P3H2: variants seen among roughly 807,000 people sequenced by gnomAD.
The protein encoded by P3H2 is prolyl 3-hydroxylase 2.
P3H2 carries 80 observed loss-of-function variants against 87.0 expected under a neutral mutation model. The ratio of observed to expected loss-of-function variants is 0.92; its 90% CI spans 0.77 to 1.11. P3H2 has a LOEUF of 1.11. Ranked by LOEUF, P3H2 falls within the 50% of genes least tolerant of loss-of-function variation. The pLI is 0.00. For synonymous variants in P3H2, 367 were observed against 359.3 expected (o/e 1.02, Z -0.24); for missense variants, 1,001 against 923.9 (o/e 1.08, Z -1.08).
intron 1 of P3H2, among the ~76,000 whole-genome samples, chr3:190,063,570 A>G (rs1726402865): frequency 6.6e-6 from 1 of 152,170 alleles, no homozygotes; most frequent in Admixed American, 6.6e-5. Context: ...TTAATGTGTT[A>G]CTAAATACCA....
chr3:190,098,782 T>C (rs1711512628), intron 1 of P3H2, among the ~76,000 whole-genome samples: 1 of 152,212 alleles, frequency 6.6e-6, no homozygotes, highest in Non-Finnish European at 1.5e-5. Flanking sequence ...GATTTAGGTG[T>C]ATTTCGCAGA....
At chr3:190,046,835 G>T (rs1436869835) in intron 1 of P3H2, among the ~76,000 whole-genome samples, 1 of 151,198 alleles carries the variant, frequency 6.6e-6, no homozygotes, top group African/African-American at 2.4e-5. Flanking sequence ...CACTCTAATT[G>T]GTATTGTAGA....
At chr3:190,040,399 C>T (rs1447022271) in intron 1 of P3H2, among the ~76,000 whole-genome samples, 1 of 150,576 alleles carries the variant, frequency 6.6e-6, no homozygotes, top group Non-Finnish European at 1.5e-5. Context: ...TTACTGAATC[C>T]ACCACCTGCA....
In P3H2 at chr3:189,973,012, C is replaced by T; in HGVS notation, c.1561G>A (p.Gly521Ser). 6.2e-7 allele frequency: 1 copy of T among 1,601,792 alleles called. No individual in the cohort carries two copies. The highest frequency in any genetic ancestry group is 1.7e-5 in the Admixed American group (1 of 57,886). ...VLKALKSGYE[G>S]RVPLKSARLF... ...CGAGCGCTCTTCAGTGGGACTCGAC[C>T]TTCATAACCAGACTGAAAAAAAAAA... Residue 521 changes from glycine (G) to serine (S), a missense_variant, in exon 11 of 15, where the codon GGT (glycine) becomes AGT (serine). By Grantham distance (56) the Gly-to-Ser change is moderately conservative. Coordinates refer to ENST00000319332, the MANE Select transcript of P3H2 (RefSeq NM_018192.4).
chr3:190,103,638 A>G (rs1011082680), intron 1 of P3H2, among the ~76,000 whole-genome samples: 1 of 152,202 alleles, frequency 6.6e-6, no homozygotes, highest in African/African-American at 2.4e-5. Context: ...CTGAAAGAGC[A>G]CTGGGACTTT....
chr3:190,033,206 C>G (rs192283501), intron 1 of P3H2, among the ~76,000 whole-genome samples: 1 of 152,208 alleles, frequency 6.6e-6, no homozygotes, highest in African/African-American at 2.4e-5. Flanking sequence ...TAAATACAGT[C>G]GCTTGCTCAC....
intron 1 of P3H2, among the ~76,000 whole-genome samples, chr3:190,092,349 T>G (rs1727434771): frequency 6.6e-6 from 1 of 152,166 alleles, no homozygotes; most frequent in Admixed American, 6.5e-5. Context: ...TATACTAAAA[T>G]AACCCCAATG....
At chr3:190,083,938 T>A (rs1727132632) in intron 1 of P3H2, among the ~76,000 whole-genome samples, 1 of 152,222 alleles carries the variant, frequency 6.6e-6, no homozygotes, top group South Asian at 2.1e-4. Context: ...TTCATTTTAA[T>A]AACATTCTTC....
intron 1 of P3H2, among the ~76,000 whole-genome samples, chr3:190,099,259 A>C (rs946286959): frequency 1.3e-5 from 2 of 152,230 alleles, no homozygotes; most frequent in Admixed American, 6.5e-5. Context: ...ACTTCTGGCA[A>C]AACTTCATTT....
intron 1 of P3H2, among the ~76,000 whole-genome samples, chr3:190,029,131 G>A (rs532987210): frequency 2.6e-5 from 4 of 152,184 alleles, no homozygotes; most frequent in African/African-American, 4.8e-5. Context: ...TTAAGAGTTC[G>A]AGTGGGGGTG....
chr3:190,031,456 G>A (rs187144350), intron 1 of P3H2, among the ~76,000 whole-genome samples: 30 of 151,928 alleles, frequency 2.0e-4, no homozygotes, highest in Middle Eastern at 3.4e-3. Context: ...TGGCCAACAC[G>A]GTAAACCCTG....
At chr3:189,984,861 A>T (rs1046832213) in intron 6 of P3H2, among the ~76,000 whole-genome samples, 15 of 152,158 alleles carry the variant, frequency 9.9e-5, no homozygotes, top group African/African-American at 3.6e-4. Context: ...CTTTTGTCCA[A>T]GAAAGTGACT....
intron 1 of P3H2, among the ~76,000 whole-genome samples, chr3:190,093,766 C>T (rs376661098): frequency 6.6e-6 from 1 of 152,170 alleles, no homozygotes; most frequent in East Asian, 1.9e-4. Context: ...AAATGATTTG[C>T]AGTAGATACA....
intron 1 of P3H2, among the ~76,000 whole-genome samples, chr3:190,007,959 G>GACACACACACACACACACACACACAC (rs371622835): frequency 2.2e-4 from 22 of 100,722 alleles, no homozygotes; most frequent in African/African-American, 8.4e-4. Context: ...TCTATTTGTT[G>GACACACACACACACACACACACACAC]ACACACATAT....
intron 1 of P3H2, among the ~76,000 whole-genome samples, chr3:190,017,700 A>T (rs1374150888): frequency 6.6e-6 from 1 of 151,058 alleles, no homozygotes; most frequent in Non-Finnish European, 1.5e-5. Context: ...AGCCCTTGTT[A>T]GTTAGTCTTG....
At chr3:189,997,084 C>T (rs710561) in intron 1 of P3H2, among the ~76,000 whole-genome samples, 71,150 of 152,010 alleles carry the variant, frequency 0.47, 16,687 homozygotes, top group Admixed American at 0.48. Context: ...TGCAATGGCG[C>T]GATCTTGGCT....
chr3:190,096,407 G>A (rs1016867628), intron 1 of P3H2, among the ~76,000 whole-genome samples: 2 of 152,090 alleles, frequency 1.3e-5, no homozygotes, highest in African/African-American at 4.8e-5. Context: ...TCTCTCTCCT[G>A]CTTTGCCACG....
At chr3:189,986,360 G>A (rs1444214501) in intron 6 of P3H2, among the ~76,000 whole-genome samples, 1 of 152,098 alleles carries the variant, frequency 6.6e-6, no homozygotes, top group Non-Finnish European at 1.5e-5. Context: ...TGAGGCGGGC[G>A]GATCACCTGA....
intron 8 of P3H2, among the ~76,000 whole-genome samples, chr3:189,982,536 C>T (rs1400107443): frequency 6.6e-6 from 1 of 152,114 alleles, no homozygotes; most frequent in Non-Finnish European, 1.5e-5. Context: ...TTCTTTTAAC[C>T]ACTAGAATGG....
Sources: gnomAD v4.1 joint callset for allele counts (sites outside exome capture counted in the v4.1 genomes callset) on GRCh38, gnomAD v4.1.1 for gene constraint, MANE v1.5 for transcripts, NCBI Gene and HGNC (gene_info 2026-07-23, HGNC 2026-07-21) for gene names.